Variants in KCNIP4 observed in about 807,000 individuals in gnomAD.
The protein encoded by KCNIP4 is Kv channel-interacting protein 4.
KCNIP4 carries 12 observed loss-of-function variants against 34.0 expected under a neutral mutation model. The ratio of observed to expected loss-of-function variants is 0.35; its 90% CI spans 0.23 to 0.57. The LOEUF is 0.57. Among genes scored for constraint, KCNIP4 ranks in the 20% least tolerant of loss-of-function variants. KCNIP4 has a pLI of 0.83. For missense variants in KCNIP4, 238 were observed against 311.7 expected (o/e 0.76, Z 1.78); for synonymous variants, 124 against 102.2 (o/e 1.21, Z -1.29).
intron 1 of KCNIP4, among the ~76,000 whole-genome samples, chr4:21,506,560 T>A (rs540271171): frequency 2.0e-5 from 3 of 152,240 alleles, no homozygotes; most frequent in Non-Finnish European, 4.4e-5. Context: ...TTTATTCCTG[T>A]CACATCCATT....
At chr4:21,584,462 C>A (rs1741466339) in intron 1 of KCNIP4, among the ~76,000 whole-genome samples, 1 of 151,994 alleles carries the variant, frequency 6.6e-6, no homozygotes, top group Non-Finnish European at 1.5e-5. Flanking sequence ...AAATCTAATA[C>A]ACACACATTA....
chr4:21,924,836 A>G (rs1467231983), intron 1 of KCNIP4, among the ~76,000 whole-genome samples: 1 of 151,940 alleles, frequency 6.6e-6, no homozygotes, highest in Non-Finnish European at 1.5e-5. Flanking sequence ...TCACTCTTCT[A>G]TAATCTACCA....
intron 1 of KCNIP4, among the ~76,000 whole-genome samples, chr4:21,677,100 G>C (rs1337040256): frequency 6.6e-6 from 1 of 151,600 alleles, no homozygotes; most frequent in East Asian, 1.9e-4. Context: ...AAACAGAAAT[G>C]CCAAGTTAGA....
At chr4:20,981,037 G>T (rs1326358062) in intron 1 of KCNIP4, among the ~76,000 whole-genome samples, 1 of 152,118 alleles carries the variant, frequency 6.6e-6, no homozygotes, top group Non-Finnish European at 1.5e-5. Flanking sequence ...AAAAAGTCCA[G>T]GTTCTGTTTC....
intron 1 of KCNIP4, among the ~76,000 whole-genome samples, chr4:21,713,815 C>T (rs921737851): frequency 3.9e-5 from 6 of 152,098 alleles, no homozygotes; most frequent in African/African-American, 1.4e-4. Context: ...ATCACATAAA[C>T]ACTGGCTTTC....
intron 1 of KCNIP4, among the ~76,000 whole-genome samples, chr4:21,943,437 G>A (rs1730313063): frequency 6.6e-6 from 1 of 152,146 alleles, no homozygotes; most frequent in Non-Finnish European, 1.5e-5. Flanking sequence ...CTACTCAGGA[G>A]GCTGAGGCAG....
At chr4:21,478,753 C>A (rs1417161976) in intron 1 of KCNIP4, among the ~76,000 whole-genome samples, 1 of 152,118 alleles carries the variant, frequency 6.6e-6, no homozygotes, top group Non-Finnish European at 1.5e-5. Flanking sequence ...GGTTTCTCAT[C>A]TTTTCTAGTG....
Position 21,263,427 on chromosome 4 carries a change from T to C in KCNIP4, c.62-380718A>G, listed in dbSNP as rs1761597465. On this transcript the variant is annotated intron_variant, in intron 1 of 8. Coordinates refer to ENST00000382152, the MANE Select transcript of KCNIP4 (RefSeq NM_025221.6). ...AACCTTCATCATGCCACCTCTGTTC[T>C]ATGTGAAGTTTACTTAGCTTCTTGA... is the stretch of plus-strand genomic sequence containing the variant. 2.6e-5 allele frequency among the ~76,000 whole-genome samples: 4 copies of C among 152,176 alleles called. 1 individual carries two copies. In the South Asian group the frequency reaches 6.2e-4, roughly 24 times the overall value.
intron 1 of KCNIP4, among the ~76,000 whole-genome samples, chr4:21,749,747 T>C (rs1374323565): frequency 6.6e-6 from 1 of 152,038 alleles, no homozygotes; most frequent in Non-Finnish European, 1.5e-5. Flanking sequence ...TTCCACATCT[T>C]TGGGTAGAAA....
intron 1 of KCNIP4, among the ~76,000 whole-genome samples, chr4:20,968,772 T>C (rs1455778800): frequency 1.1e-5 from 1 of 89,528 alleles, no homozygotes; most frequent in African/African-American, 4.6e-5. Context: ...CGCTGGGGCC[T>C]GTCAAGGGGT....
At position 21,830,328 on chromosome 4, in the gene KCNIP4, C is replaced by G. The variant is rs563897633; in HGVS notation, c.61+118243G>C. Among the ~76,000 whole-genome samples the G allele has an allele frequency of 7.2e-5, 11 of 152,044 alleles. No homozygotes were observed. The South Asian group carries it at 2.3e-3, about 32-fold the overall frequency. The stretch of plus-strand genomic sequence containing the variant: ...TGTACCCAAAATGAAAGCATTTAAA[C>G]CTATAAAGCAAATATTAACAGATTT... On this transcript the variant is annotated intron_variant, in intron 1 of 8. Transcript: ENST00000382152.
intron 1 of KCNIP4, among the ~76,000 whole-genome samples, chr4:21,829,157 G>C (rs1305826613): frequency 6.6e-6 from 1 of 151,762 alleles, no homozygotes; most frequent in Admixed American, 6.6e-5. Context: ...GCAATCTTTG[G>C]GTTTGGATCG....
intron 1 of KCNIP4, among the ~76,000 whole-genome samples, chr4:21,458,625 T>A (rs1376412379): frequency 1.3e-5 from 2 of 151,882 alleles, no homozygotes; most frequent in Non-Finnish European, 2.9e-5. Flanking sequence ...TGATGACAGG[T>A]CTCACATTAA....
chr4:20,761,457 A>G (rs1480039892), intron 3 of KCNIP4, among the ~76,000 whole-genome samples: 1 of 152,210 alleles, frequency 6.6e-6, no homozygotes, highest in Non-Finnish European at 1.5e-5. Context: ...TTTTAAGACT[A>G]AACACTTTGC....
chr4:21,260,322 A>G (rs778667534), intron 1 of KCNIP4, among the ~76,000 whole-genome samples: 1 of 152,230 alleles, frequency 6.6e-6, no homozygotes, highest in Non-Finnish European at 1.5e-5. Flanking sequence ...GTTTTGGGAT[A>G]ATATGAAGAG....
intron 1 of KCNIP4, among the ~76,000 whole-genome samples, chr4:21,572,736 G>A (rs1395410198): frequency 6.7e-6 from 1 of 149,700 alleles, no homozygotes. Flanking sequence ...AGTGATTCTT[G>A]TGCCTCAGCT....
chr4:21,530,326 A>T (rs1003093780), intron 1 of KCNIP4, among the ~76,000 whole-genome samples: 1 of 152,198 alleles, frequency 6.6e-6, no homozygotes, highest in Non-Finnish European at 1.5e-5. Context: ...TGAAACTGGG[A>T]GTAAACAAAT....
intron 1 of KCNIP4, among the ~76,000 whole-genome samples, chr4:21,597,298 C>CGATGTAA (rs1742732748): frequency 6.6e-6 from 1 of 152,018 alleles, no homozygotes; most frequent in African/African-American, 2.4e-5. Context: ...TTGTCTGCCG[C>CGATGTAA]GATGTAAGAC....
intron 1 of KCNIP4, among the ~76,000 whole-genome samples, chr4:21,139,649 T>G (rs1252539391): frequency 6.6e-6 from 1 of 152,148 alleles, no homozygotes; most frequent in Non-Finnish European, 1.5e-5. Flanking sequence ...AGGAACGTTC[T>G]AGCCTTAGCA....
Sources: allele counts gnomAD v4.1 joint callset (sites outside exome capture counted in the v4.1 genomes callset), GRCh38; gene constraint gnomAD v4.1.1; transcripts MANE v1.5; gene names NCBI Gene and HGNC (gene_info 2026-07-23, HGNC 2026-07-21).